Variants in ATF7IP observed in about 807,000 individuals in gnomAD.
The protein encoded by ATF7IP is activating transcription factor 7-interacting protein 1.
A neutral mutation model predicts 106.4 loss-of-function variants in ATF7IP; 23 were observed. The observed-to-expected ratio is 0.22, with a 90% CI of 0.16 to 0.31. The LOEUF is 0.31. ATF7IP is among the 10% of genes least tolerant of loss of function. The pLI, the probability that ATF7IP is intolerant of heterozygous loss-of-function variation, is 1.00. For synonymous variants in ATF7IP, 542 were observed against 539.0 expected, an observed-to-expected ratio of 1.01 and a Z score of -0.08; for missense variants, 1,334 against 1,524.3, an observed-to-expected ratio of 0.88 and a Z score of 2.08.
intron 1 of ATF7IP, among the ~76,000 whole-genome samples, chr12:14,407,162 T>G (rs952480025): frequency 6.6e-6 from 1 of 152,194 alleles, no homozygotes; most frequent in Non-Finnish European, 1.5e-5. Context: ...TCATTTTGCA[T>G]TTTGGATAAC....
At chr12:14,429,207 A>G (rs16909882) in intron 2 of ATF7IP, among the ~76,000 whole-genome samples, 15,650 of 152,152 alleles carry the variant, frequency 0.1, 989 homozygotes, top group African/African-American at 0.18. Flanking sequence ...AATGACATTG[A>G]TGATCATGTT....
chr12:14,407,129 T>C (rs1400985201), intron 1 of ATF7IP, among the ~76,000 whole-genome samples: 2 of 152,210 alleles, frequency 1.3e-5, no homozygotes, highest in African/African-American at 4.8e-5. Context: ...TGTTTAGGCT[T>C]TCGTAGTGTC....
intron 2 of ATF7IP, among the ~76,000 whole-genome samples, chr12:14,429,036 C>T (rs1942002428): frequency 6.6e-6 from 1 of 152,176 alleles, no homozygotes; most frequent in Non-Finnish European, 1.5e-5. Context: ...ATACCATATA[C>T]TTTCCTCTAA....
At chr12:14,372,591 T>C in intron 1 of ATF7IP, among the ~76,000 whole-genome samples, 1 of 152,126 alleles carries the variant, frequency 6.6e-6, no homozygotes, top group Non-Finnish European at 1.5e-5. Context: ...ATCAGAAATA[T>C]GCACTTATTC....
At position 14,425,292 on chromosome 12, in the gene ATF7IP, A is replaced by G; in HGVS notation, c.1377A>G (p.Pro459=). The change falls in exon 2 of 15, where the codon CCA becomes CCG. Residue 459 remains proline (P), a synonymous_variant. Transcript: ENST00000261168. ...GCTTTTCTAAAACATCTCTCCTTCC[A>G]ATCGATGAGACAAATCCAGATTTGG... ...LTCFSKTSLL[P]IDETNPDLEE... 6.2e-7 allele frequency: 1 copy of G among 1,603,982 alleles called. No homozygotes were observed. Among genetic ancestry groups the G allele is most frequent in the Non-Finnish European group, 8.5e-7 (1 of 1,176,924 alleles).
chr12:14,438,832 A>G (rs1942552674), intron 5 of ATF7IP, among the ~76,000 whole-genome samples: 1 of 152,194 alleles, frequency 6.6e-6, no homozygotes, highest in South Asian at 2.1e-4. Flanking sequence ...CTTTTAGGGG[A>G]CACAGTTCAA....
At chr12:14,440,100 T>C (rs568827022) in intron 5 of ATF7IP, among the ~76,000 whole-genome samples, 2 of 152,330 alleles carry the variant, frequency 1.3e-5, no homozygotes, top group East Asian at 1.9e-4. Flanking sequence ...TTCCTCTTAT[T>C]GGCAGCTCTT....
At chr12:14,375,382 AGT>A (rs1282598682) in intron 1 of ATF7IP, among the ~76,000 whole-genome samples, 2 of 152,132 alleles carry the variant, frequency 1.3e-5, no homozygotes, top group African/African-American at 2.4e-5. Flanking sequence ...GTTAATAAAA[AGT>A]TTCTAAAATA....
At chr12:14,456,489 G>A (rs1591903742) in intron 6 of ATF7IP, 72 bp from the exon 7 acceptor site, 3 of 1,014,920 alleles carry the variant, frequency 3.0e-6, no homozygotes, top group East Asian at 2.4e-5. Context: ...GGCATCTACA[G>A]GTCTAATTTT....
chr12:14,403,032 T>C (rs529810341), intron 1 of ATF7IP, among the ~76,000 whole-genome samples: 7 of 152,332 alleles, frequency 4.6e-5, no homozygotes, highest in Admixed American at 3.9e-4. Context: ...GGTGTTTTAT[T>C]ACTATGGTGT....
At chr12:14,469,684 T>C (rs916225890) in intron 10 of ATF7IP, among the ~76,000 whole-genome samples, 1 of 152,160 alleles carries the variant, frequency 6.6e-6, no homozygotes, top group African/African-American at 2.4e-5. Flanking sequence ...TTAAGTTTGC[T>C]GATTTGCTAG....
intron 9 of ATF7IP, among the ~76,000 whole-genome samples, chr12:14,465,305 T>C (rs2136743958): frequency 6.6e-6 from 1 of 152,206 alleles, no homozygotes; most frequent in East Asian, 1.9e-4. Flanking sequence ...AAGTTATCTT[T>C]TATTTTGATT....
chr12:14,487,946 G>A (rs376952024), intron 13 of ATF7IP, among the ~76,000 whole-genome samples: 168 of 152,268 alleles, frequency 1.1e-3, no homozygotes, highest in African/African-American at 3.9e-3. Context: ...TGATTCAGGA[G>A]TGTCAAATGC....
At chr12:14,470,724 T>C (rs1944011084) in intron 10 of ATF7IP, among the ~76,000 whole-genome samples, 1 of 152,198 alleles carries the variant, frequency 6.6e-6, no homozygotes, top group African/African-American at 2.4e-5. Context: ...CAGAGTCTAA[T>C]TGGAGTAGTG....
intron 13 of ATF7IP, chr12:14,481,584 C>T (rs984932580): frequency 7.3e-5 from 31 of 426,402 alleles, no homozygotes; most frequent in Non-Finnish European, 1.2e-4. Context: ...CAAAACTAAT[C>T]TATTATTATT....
chr12:14,484,199 C>T (rs558696165), intron 13 of ATF7IP, among the ~76,000 whole-genome samples: 135 of 152,214 alleles, frequency 8.9e-4, no homozygotes, highest in African/African-American at 3.1e-3. Context: ...TCAGGTCAGC[C>T]TTGGTAAGTG....
chr12:14,431,585 A>C (rs1473400701), intron 2 of ATF7IP, among the ~76,000 whole-genome samples: 1 of 151,966 alleles, frequency 6.6e-6, no homozygotes, highest in Non-Finnish European at 1.5e-5. Context: ...TAGTAGAGAC[A>C]GGGTTTCACC....
At chr12:14,407,421 T>A (rs1027115774) in intron 1 of ATF7IP, among the ~76,000 whole-genome samples, 1 of 152,132 alleles carries the variant, frequency 6.6e-6, no homozygotes, top group African/African-American at 2.4e-5. Context: ...TGGTTTGGTT[T>A]GGTTTGGTTA....
intron 2 of ATF7IP, among the ~76,000 whole-genome samples, chr12:14,425,867 T>G (rs779044194): frequency 6.6e-6 from 1 of 152,216 alleles, no homozygotes; most frequent in Non-Finnish European, 1.5e-5. Context: ...TTGCTTCAAG[T>G]GTAACAAATT....
Sources: gnomAD v4.1 joint callset for allele counts (sites outside exome capture counted in the v4.1 genomes callset) on GRCh38, gnomAD v4.1.1 for gene constraint, MANE v1.5 for transcripts, NCBI Gene and HGNC (gene_info 2026-07-23, HGNC 2026-07-21) for gene names.